The following PTPRN2 variants were observed in gnomAD, a reference collection of about 807,000 sequenced individuals.
The protein encoded by PTPRN2 is receptor-type tyrosine-protein phosphatase N2.
Under a neutral mutation model 118.8 loss-of-function variants are expected in PTPRN2, and 74 were observed. The observed-to-expected ratio is 0.62, with a 90% confidence interval of 0.52 to 0.76. PTPRN2 has a LOEUF of 0.76. PTPRN2 is among the 30% of genes least tolerant of loss of function. The probability of loss-of-function intolerance (pLI) is 0.00; values close to 1 mark genes in which losing one functional copy is unlikely to be tolerated. For missense variants in PTPRN2, 1,481 were observed against 1,394.4 expected (o/e 1.06, Z -0.99); for synonymous variants, 641 against 608.0 (o/e 1.05, Z -0.80).
At chr7:158,258,021 C>T (rs906251703) in intron 3 of PTPRN2, among the ~76,000 whole-genome samples, 19 of 152,224 alleles carry the variant, frequency 1.2e-4, no homozygotes, top group African/African-American at 4.3e-4. Context: ...TCTTGAGAGG[C>T]AGTTTTCACT....
At chr7:158,353,041 A>G (rs1808129336) in intron 2 of PTPRN2, among the ~76,000 whole-genome samples, 1 of 152,246 alleles carries the variant, frequency 6.6e-6, no homozygotes. Flanking sequence ...GTTAGTATTT[A>G]GAATAATCAA....
At chr7:157,636,418 AC>A (rs1196802931) in intron 14 of PTPRN2, among the ~76,000 whole-genome samples, 3 of 152,206 alleles carry the variant, frequency 2.0e-5, no homozygotes, top group African/African-American at 7.2e-5. Flanking sequence ...GTTAAAAAAA[AC>A]AACAACAACA....
At chr7:158,199,998 G>T (rs1563594358) in intron 4 of PTPRN2, among the ~76,000 whole-genome samples, 3 of 151,958 alleles carry the variant, frequency 2.0e-5, no homozygotes, top group African/African-American at 7.3e-5. Context: ...TCCAAAATAA[G>T]ACAAAATTAC....
At chr7:158,128,401 A>G (rs1817874248) in intron 9 of PTPRN2, among the ~76,000 whole-genome samples, 1 of 151,900 alleles carries the variant, frequency 6.6e-6, no homozygotes, top group East Asian at 1.9e-4. Flanking sequence ...GTCAGCCAAG[A>G]TAACATGATG....
At chr7:158,112,425 G>A (rs1343789998) in intron 9 of PTPRN2, among the ~76,000 whole-genome samples, 1 of 152,236 alleles carries the variant, frequency 6.6e-6, no homozygotes, top group Non-Finnish European at 1.5e-5. Flanking sequence ...AGAGCAGCTG[G>A]GTGGACATGG....
intron 11 of PTPRN2, 29 bp downstream of exon 11, chr7:158,081,249 TGTGCACACACGTGTGTGTGC>T (rs763584092): frequency 4.7e-6 from 7 of 1,475,658 alleles, no homozygotes; most frequent in Non-Finnish European, 5.7e-6. Context: ...TGCGTGTGTG[TGTGCACACACGTGTGTGTGC>T]GTGTACGTGT....
chr7:158,262,709 TCACA>T (rs202093044), intron 3 of PTPRN2, among the ~76,000 whole-genome samples: 4 of 132,186 alleles, frequency 3.0e-5, no homozygotes, highest in Non-Finnish European at 6.4e-5. Flanking sequence ...CTGCACAGAT[TCACA>T]CACATTGCGC....
intron 11 of PTPRN2, among the ~76,000 whole-genome samples, chr7:158,075,581 ACGCTTCC>A (rs1227222063): frequency 6.6e-6 from 1 of 152,086 alleles, no homozygotes; most frequent in Non-Finnish European, 1.5e-5. Context: ...CCACCGGCCC[ACGCTTCC>A]CACGCCGCGC....
chr7:158,311,320 G>A (rs1228708470), intron 3 of PTPRN2, among the ~76,000 whole-genome samples: 6 of 152,044 alleles, frequency 3.9e-5, no homozygotes, highest in South Asian at 2.1e-4. Flanking sequence ...TTTGCTTTTT[G>A]CTTCTGACAT....
rs1823668505 is a variant in PTPRN2, at chr7:158,517,626, T to A, written c.113-27841A>T. On this transcript the variant is annotated intron_variant, in intron 1 of 22. Transcript: ENST00000389418. The surrounding 1 kb of genome is among the most constrained non-coding windows in gnomAD (Gnocchi z 5.3). Reference sequence around the variant, plus strand: ...ATATTGCTCCTGAGCTGCAATGCCCTCAGGCAGTCCCCTGCCTTTAGGGTG... The same window carrying A: ...ATATTGCTCCTGAGCTGCAATGCCCACAGGCAGTCCCCTGCCTTTAGGGTG... Among the ~76,000 whole-genome samples, 1 of 152,132 alleles carries A rather than the reference T, an allele frequency of 6.6e-6. No homozygotes were observed. The highest frequency in any genetic ancestry group is 6.5e-5 in the Admixed American group (1 of 15,278).
At chr7:157,613,619 G>C (rs929736620) in intron 15 of PTPRN2, among the ~76,000 whole-genome samples, 21 of 152,300 alleles carry the variant, frequency 1.4e-4, no homozygotes, top group African/African-American at 4.8e-4. Context: ...AGGCCGCCGC[G>C]TTCCTTCCCC....
At chr7:157,799,828 G>T (rs1805123192) in intron 12 of PTPRN2, among the ~76,000 whole-genome samples, 2 of 130,540 alleles carry the variant, frequency 1.5e-5, no homozygotes, top group Admixed American at 7.4e-5. Flanking sequence ...ACCACAGCCG[G>T]CCCCCTCCAT....
chr7:157,827,030 T>C (rs1296755259), intron 12 of PTPRN2, among the ~76,000 whole-genome samples: 1 of 152,160 alleles, frequency 6.6e-6, no homozygotes, highest in African/African-American at 2.4e-5. Context: ...GCACTAGAGA[T>C]GATGCTTCCT....
chr7:158,083,044 C>G (rs1440434261), intron 10 of PTPRN2, among the ~76,000 whole-genome samples: 2 of 152,214 alleles, frequency 1.3e-5, no homozygotes, highest in Non-Finnish European at 2.9e-5. Context: ...GAGTTCTACC[C>G]CCTCTCAAAG....
At chr7:157,693,872 G>A (rs1014794101) in intron 12 of PTPRN2, among the ~76,000 whole-genome samples, 11 of 152,244 alleles carry the variant, frequency 7.2e-5, no homozygotes, top group African/African-American at 2.4e-4. Context: ...GCCGGTAGCC[G>A]TCTCCCTCGG....
intron 14 of PTPRN2, among the ~76,000 whole-genome samples, chr7:157,643,330 T>C (rs1162654687): frequency 6.6e-6 from 1 of 152,232 alleles, no homozygotes; most frequent in Non-Finnish European, 1.5e-5. Context: ...AGCATGGCTC[T>C]AGCATTTTAA....
intron 2 of PTPRN2, among the ~76,000 whole-genome samples, chr7:158,428,767 C>T (rs1815944502): frequency 6.6e-6 from 1 of 152,070 alleles, no homozygotes; most frequent in Admixed American, 6.5e-5. Context: ...CTTCCTGGTT[C>T]TGATGGGGAA....
At position 157,729,835 on chromosome 7, in the gene PTPRN2, G is replaced by T. The variant is rs1362971516; in HGVS notation, c.1789-46898C>A. 6.6e-6 allele frequency among the ~76,000 whole-genome samples: 1 copy of T among 152,208 alleles called. No homozygotes were observed. Among genetic ancestry groups the T allele is most frequent in the Non-Finnish European group, 1.5e-5 (1 of 68,034 alleles). On this transcript the variant is annotated intron_variant, in intron 12 of 22. Coordinates refer to ENST00000389418, the MANE Select transcript of PTPRN2 (RefSeq NM_002847.5). This position sits in a 1 kb window ranked among gnomAD's most constrained non-coding sequence, Gnocchi z 4.3. ...CGTGGAGGACGGGGAGCGGCAGGCG[G>T]ATGAGGGAAGGACCGTCCATTTGAC... is the stretch of plus-strand genomic sequence containing the variant.
intron 11 of PTPRN2, among the ~76,000 whole-genome samples, chr7:157,984,575 T>G (rs1267500401): frequency 1.3e-5 from 2 of 151,554 alleles, no homozygotes; most frequent in Admixed American, 6.6e-5. Context: ...GAGTGGTGAG[T>G]GATGGTTGCT....
Sources: allele counts gnomAD v4.1 joint callset (sites outside exome capture counted in the v4.1 genomes callset), GRCh38; gene constraint gnomAD v4.1.1; non-coding constraint Gnocchi (gnomAD v3.1); transcripts MANE v1.5; gene names NCBI Gene and HGNC (gene_info 2026-07-23, HGNC 2026-07-21).